The following PKD1L1 variants were observed in gnomAD, a reference collection of about 807,000 sequenced individuals.
The protein encoded by PKD1L1 is polycystin 1 like 1, transient receptor potential channel interacting, also known as polycystin-1-like protein 1.
Under a neutral mutation model 323.4 loss-of-function variants are expected in PKD1L1, and 236 were observed. That is an observed-to-expected ratio of 0.73 (90% CI 0.66 to 0.81). The LOEUF (loss-of-function observed/expected upper bound fraction) is 0.81. Ranked by LOEUF, PKD1L1 falls within the 40% of genes least tolerant of loss-of-function variation. PKD1L1 has a pLI of 0.00. For missense variants in PKD1L1, 3,320 were observed against 3,508.0 expected, an observed-to-expected ratio of 0.95 and a Z score of 1.35; for synonymous variants, 1,344 against 1,335.0, an observed-to-expected ratio of 1.01 and a Z score of -0.15.
In PKD1L1 at chr7:47,854,966, G is replaced by A; in HGVS notation, c.4775C>T (p.Ser1592Phe). ...KVNLHQFTEL[S>F]ENPQESLQIE... The stretch of plus-strand genomic sequence containing the variant: ...CTGTAGAGATTCCTGGGGGTTTTCG[G>A]AAAGCTCAGTGAACTGATGGAGATT... The change falls in exon 30 of 57, where the codon TCC (serine) becomes TTC (phenylalanine). Residue 1592 changes from serine (S) to phenylalanine (F), a missense_variant. Ser to Phe is a radical substitution (Grantham distance 155, BLOSUM62 -2). Coordinates refer to ENST00000289672, the MANE Select transcript of PKD1L1 (RefSeq NM_138295.5). 3.7e-6 allele frequency: 6 copies of A among 1,614,090 alleles called. No individual in the cohort carries two copies. The African/African-American group carries it at 4.0e-5, about 11-fold the overall frequency.
At chr7:47,938,528 T>A (rs150444788) in intron 3 of PKD1L1, among the ~76,000 whole-genome samples, 2 of 152,206 alleles carry the variant, frequency 1.3e-5, no homozygotes, top group South Asian at 4.2e-4. Context: ...CAAGACACTA[T>A]CCTATAACTA....
At chr7:47,952,187 A>G (rs1176509102), upstream of PKD1L1, among the ~76,000 whole-genome samples, 5 of 152,192 alleles carry the variant, frequency 3.3e-5, no homozygotes, top group South Asian at 4.1e-4. Context: ...TTTTGTAATT[A>G]GTTGTGGTGA....
chr7:47,897,459 C>T (rs1197685719), intron 14 of PKD1L1, among the ~76,000 whole-genome samples: 1 of 152,206 alleles, frequency 6.6e-6, no homozygotes. Flanking sequence ...TGTCTGTGGA[C>T]AGATTCTCTT....
chr7:47,960,388 A>AAC, the PKD1L1 span, among the ~76,000 whole-genome samples: 5 of 132,304 alleles, frequency 3.8e-5, no homozygotes, highest in African/African-American at 5.3e-5. Context: ...AAAAAAAAAA[A>AAC]AAAAAACTGT....
intron 26 of PKD1L1, among the ~76,000 whole-genome samples, chr7:47,861,919 G>C (rs1171925696): frequency 7.0e-6 from 1 of 142,936 alleles, no homozygotes; most frequent in Admixed American, 7.3e-5. Flanking sequence ...ATTGGGCCAG[G>C]CGTGGTGGCT....
At chr7:47,842,043 G>A (rs1255667901) in intron 34 of PKD1L1, among the ~76,000 whole-genome samples, 6 of 152,078 alleles carry the variant, frequency 3.9e-5, no homozygotes, top group East Asian at 1.9e-4. Context: ...TTTTTAACCA[G>A]GATTTCTAGT....
rs982895686 is a variant in PKD1L1 at position 47,815,344 on chromosome 7, G to C, written c.7079C>G (p.Pro2360Arg). 4 of 1,613,980 alleles carry C rather than the reference G, an allele frequency of 2.5e-6. No individual in the cohort carries two copies. The highest frequency in any genetic ancestry group is 2.2e-5 in the East Asian group (1 of 44,884). ...YPGGTPSARV[P>R]GAQPGALGGK... ...AGACGGAAAGCTCACCTGAGCCCCCGGCACACGGGCTGACGGGGTGCCTCC... is the reference window on the plus strand; with the variant it reads ...AGACGGAAAGCTCACCTGAGCCCCCCGCACACGGGCTGACGGGGTGCCTCC... Residue 2360 changes from proline to arginine, a missense_variant, in exon 47 of 57, where the codon CCG becomes CGG. Transcript: ENST00000289672.
intron 27 of PKD1L1, 25 bp downstream of exon 27, chr7:47,858,648 T>C (rs1785954670): frequency 5.7e-6 from 9 of 1,585,108 alleles, no homozygotes; most frequent in Admixed American, 1.7e-5. Context: ...AGTATTTTTA[T>C]GGATGGAGAA....
chr7:47,808,892 C>T (rs1784836923), intron 51 of PKD1L1, among the ~76,000 whole-genome samples: 2 of 152,184 alleles, frequency 1.3e-5, no homozygotes, highest in African/African-American at 2.4e-5. Context: ...AAATGCTGCA[C>T]ACTTAGGCTA....
At chr7:47,807,557 T>C (rs1327757296) in intron 52 of PKD1L1, among the ~76,000 whole-genome samples, 1 of 152,054 alleles carries the variant, frequency 6.6e-6, no homozygotes, top group East Asian at 1.9e-4. Context: ...AGGGGCTAGA[T>C]CTGAGGGCAG....
At chr7:47,936,494 C>G (rs1583688218) in intron 4 of PKD1L1, among the ~76,000 whole-genome samples, 1 of 152,202 alleles carries the variant, frequency 6.6e-6, no homozygotes, top group Non-Finnish European at 1.5e-5. Context: ...GTTTTAAAGT[C>G]TGTATGTTAT....
intron 16 of PKD1L1, 116 bp downstream of exon 16, chr7:47,890,426 T>C (rs1786785888): frequency 3.8e-6 from 4 of 1,039,848 alleles, no homozygotes; most frequent in Non-Finnish European, 5.7e-6. Context: ...GTGAGAATCC[T>C]GCATGGCCAA....
At chr7:47,805,977 T>C (rs1784768316) in intron 52 of PKD1L1, among the ~76,000 whole-genome samples, 1 of 152,218 alleles carries the variant, frequency 6.6e-6, no homozygotes, top group Admixed American at 6.5e-5. Context: ...AATTGGAAAT[T>C]GGCATCTGCC....
chr7:47,931,940 A>T lies in PKD1L1; in HGVS notation c.515T>A (p.Leu172His), dbSNP rs764361273. ...GTADSTFSAL[L>H]QLQGTTSAAA... The stretch of plus-strand genomic sequence containing the variant: ...TTGCAGGGGTTAGATACCAACCTGG[A>T]GAAGAGCAGAGAATGTGCTGTCTGC... Residue 172 changes from leucine (L) to histidine (H), a missense_variant, in exon 5 of 57, where the codon CTC (leucine) becomes CAC (histidine). Leu to His is a moderately conservative substitution (Grantham distance 99). Transcript: ENST00000289672. 7 of 1,610,774 alleles carry T rather than the reference A, an allele frequency of 4.3e-6. No individual in the cohort carries two copies. In the East Asian group the frequency reaches 1.6e-4, roughly 36 times the overall value.
At chr7:47,880,089 G>A (rs1786505681) in intron 21 of PKD1L1, among the ~76,000 whole-genome samples, 1 of 150,726 alleles carries the variant, frequency 6.6e-6, no homozygotes, top group South Asian at 2.1e-4. Flanking sequence ...CAGAGCAAGG[G>A]TAAGGCGAGG....
chr7:47,839,660 G>A lies in PKD1L1; in HGVS notation c.5555C>T (p.Ala1852Val), dbSNP rs771701081. 1.3e-6 allele frequency: 2 copies of A among 1,563,258 alleles called. No homozygotes were observed. The highest frequency in any genetic ancestry group is 1.2e-5 in the South Asian group (1 of 84,872). ...RNSRHTFILS[A>V]PAQLGLLRKI... ...CCTCAGCAGGCCCAGTTGGGCAGGA[G>A]CGCTGGAGGCACACACAGCAGCATC... The change falls in exon 36 of 57, where the codon GCT becomes GTT. Residue 1852 changes from alanine (A) to valine (V), a missense_variant and splice_region_variant. Ala to Val is a moderately conservative substitution (Grantham distance 64). Coordinates refer to ENST00000289672, the MANE Select transcript of PKD1L1 (RefSeq NM_138295.5). This position sits in a 1 kb window ranked among gnomAD's most constrained non-coding sequence, Gnocchi z 4.3.
intron 55 of PKD1L1, among the ~76,000 whole-genome samples, chr7:47,793,840 G>C (rs1268953739): frequency 6.6e-6 from 1 of 152,168 alleles, no homozygotes; most frequent in Non-Finnish European, 1.5e-5. Flanking sequence ...ATAAAGTCCA[G>C]GCTGAGGTGG....
At chr7:47,808,561 T>C (rs1017981829) in intron 51 of PKD1L1, among the ~76,000 whole-genome samples, 174 bp from the exon 52 acceptor site, 1 of 152,192 alleles carries the variant, frequency 6.6e-6, no homozygotes, top group African/African-American at 2.4e-5. Context: ...AGGGTGCACT[T>C]ATGCAAACAT....
Position 47,865,290 on chromosome 7 carries a change from C to T in PKD1L1, c.4093-18G>A. 2 of 1,606,264 alleles carry T rather than the reference C, an allele frequency of 1.2e-6. No homozygotes were observed. Among genetic ancestry groups the T allele is most frequent in the Non-Finnish European group, 1.7e-6 (2 of 1,175,640 alleles). On this transcript the variant is annotated intron_variant, in intron 25 of 56. Coordinates refer to ENST00000289672, the MANE Select transcript of PKD1L1 (RefSeq NM_138295.5). Reference sequence around the variant, plus strand: ...ATTTCTTCCTGACCAGAAGAAACAACAATAAAACAAAAAGAAAATGCAAGG... The same window carrying T: ...ATTTCTTCCTGACCAGAAGAAACAATAATAAAACAAAAAGAAAATGCAAGG...
Sources: gnomAD v4.1 joint callset for allele counts (sites outside exome capture counted in the v4.1 genomes callset) on GRCh38, gnomAD v4.1.1 for gene constraint, Gnocchi (gnomAD v3.1) non-coding constraint, MANE v1.5 for transcripts, NCBI Gene and HGNC (gene_info 2026-07-23, HGNC 2026-07-21) for gene names.